The following MRPS27 variants were observed in gnomAD, a reference collection of about 807,000 sequenced individuals.
The protein encoded by MRPS27 is mitochondrial ribosomal protein S27.
Under a neutral mutation model 48.9 loss-of-function variants are expected in MRPS27, and 43 were observed. The observed-to-expected ratio is 0.88, with a 90% confidence interval of 0.69 to 1.13. MRPS27 has a LOEUF of 1.13. Among genes scored for constraint, MRPS27 ranks in the 50% most tolerant of loss-of-function variants. MRPS27 has a pLI of 0.00. For synonymous variants in MRPS27, 188 were observed against 171.9 expected, an observed-to-expected ratio of 1.09 and a Z score of -0.73; for missense variants, 467 against 476.3, an observed-to-expected ratio of 0.98 and a Z score of 0.18.
At chr5:72,261,507 A>G (rs920309120) in intron 4 of MRPS27, among the ~76,000 whole-genome samples, 2 of 148,178 alleles carry the variant, frequency 1.3e-5, no homozygotes, top group African/African-American at 5.2e-5. Flanking sequence ...GTTGCTATAG[A>G]CTCACAGGAA....
At chr5:72,297,783 A>C (rs969186576) in intron 2 of MRPS27, 81 bp from the exon 3 acceptor site, 1 of 682,528 alleles carries the variant, frequency 1.5e-6, no homozygotes, top group African/African-American at 1.9e-5. Context: ...TGCCAACATG[A>C]AGTATTAAAA....
rs1290186401 is a variant in MRPS27 at position 72,320,179 on chromosome 5, G to A, written c.43C>T (p.Gln15Ter). The change falls in exon 1 of 11, where the codon CAA becomes TAA. Residue 15 changes from glutamine to a stop codon, truncating the protein, a stop_gained. Coordinates refer to ENST00000261413, the MANE Select transcript of MRPS27 (RefSeq NM_015084.3). LOFTEE classifies it high-confidence loss of function. ...GGAGAGAGCTGAGGAAGAACCACTT[G>A]CCGCGCCAGGAGCATCCCGCGCCGC... ...IVRRGMLLAR[Q>*]VVLPQLSPAG... 2.5e-6 allele frequency: 4 copies of A among 1,614,008 alleles called. No individual in the cohort carries two copies. Among genetic ancestry groups the A allele is most frequent in the Non-Finnish European group, 3.4e-6 (4 of 1,179,898 alleles).
At chr5:72,291,569 A>G (rs911827742) in intron 4 of MRPS27, among the ~76,000 whole-genome samples, 8 of 152,274 alleles carry the variant, frequency 5.3e-5, no homozygotes, top group Non-Finnish European at 1.0e-4. Context: ...GAAAAAATCA[A>G]TGATTTTTAT....
intron 4 of MRPS27, among the ~76,000 whole-genome samples, chr5:72,265,089 A>G (rs1749076596): frequency 6.6e-6 from 1 of 152,256 alleles, no homozygotes. Flanking sequence ...GTAGCTATTT[A>G]TTTGTGTAAT....
chr5:72,226,309 A>T, intron 8 of MRPS27, 110 bp from the exon 9 acceptor site: 1 of 1,293,100 alleles, frequency 7.7e-7, no homozygotes. Flanking sequence ...CTAGAAATAG[A>T]GAAGGATCAT....
intron 4 of MRPS27, chr5:72,241,328 C>G: frequency 2.9e-6 from 1 of 339,574 alleles, no homozygotes. Flanking sequence ...AAAAAATAAA[C>G]TGAGGAAAAG....
rs1464881743 is a variant in MRPS27, at chr5:72,297,712, C to T, written c.152-10G>A. 6 of 1,534,956 alleles carry T rather than the reference C, an allele frequency of 3.9e-6. No individual in the cohort carries two copies. In the East Asian group the frequency reaches 1.4e-4, roughly 36 times the overall value. On this transcript the variant is annotated splice_polypyrimidine_tract_variant and intron_variant, in intron 2 of 10. Transcript: ENST00000261413. Reference sequence around the variant, plus strand: ...AAAGATGCAAGATCAGCTGTGAAGACAAAAAAAGAAAAAAAACCTTGTTAA... The same window carrying T: ...AAAGATGCAAGATCAGCTGTGAAGATAAAAAAAGAAAAAAAACCTTGTTAA...
chr5:72,235,069 A>G (rs547152046), intron 5 of MRPS27, among the ~76,000 whole-genome samples: 1 of 152,204 alleles, frequency 6.6e-6, no homozygotes, highest in South Asian at 2.1e-4. Context: ...CCCCAACTGA[A>G]TCACCACTGA....
chr5:72,269,687 C>A (rs1219188005), intron 4 of MRPS27, among the ~76,000 whole-genome samples: 1 of 152,044 alleles, frequency 6.6e-6, no homozygotes, highest in Admixed American at 6.6e-5. Flanking sequence ...AGCTGGGTAG[C>A]CATTTGTTTT....
intron 4 of MRPS27, among the ~76,000 whole-genome samples, chr5:72,292,378 C>T (rs190664242): frequency 1.3e-5 from 2 of 152,096 alleles, no homozygotes; most frequent in Non-Finnish European, 2.9e-5. Context: ...AGAGAATAGA[C>T]CACGGCCCAA....
At chr5:72,251,321 G>T (rs1414272615) in intron 4 of MRPS27, among the ~76,000 whole-genome samples, 1 of 152,180 alleles carries the variant, frequency 6.6e-6, no homozygotes, top group Non-Finnish European at 1.5e-5. Context: ...GGGGACAACA[G>T]AGAGGCTTTT....
rs550842183 is a variant in MRPS27 at position 72,257,361 on chromosome 5, C to T, written c.282-19233G>A. Among the ~76,000 whole-genome samples the T allele has an allele frequency of 3.9e-5, 6 of 152,164 alleles. No homozygotes were observed. In the South Asian group the frequency reaches 1.2e-3, roughly 32 times the overall value. On this transcript the variant is annotated intron_variant, in intron 4 of 10. Coordinates refer to ENST00000261413, the MANE Select transcript of MRPS27 (RefSeq NM_015084.3). ...ACCACAAGTGCTCAGATTATTTTTT[C>T]CTCTCTATACTAAAATGATTACAGA...
At chr5:72,292,246 G>T (rs1580105114) in intron 4 of MRPS27, among the ~76,000 whole-genome samples, 1 of 140,932 alleles carries the variant, frequency 7.1e-6, no homozygotes, top group Admixed American at 7.1e-5. Flanking sequence ...ATAGTTGCTG[G>T]TATTGCCTTA....
At chr5:72,226,384 G>GT in intron 8 of MRPS27, 185 bp from the exon 9 acceptor site, 1 of 646,488 alleles carries the variant, frequency 1.5e-6, no homozygotes, top group Non-Finnish European at 2.6e-6. Flanking sequence ...GACGAATGTG[G>GT]TAAAATTCAC....
chr5:72,228,965 T>C (rs1747975887), intron 7 of MRPS27: 1 of 152,170 alleles, frequency 6.6e-6, no homozygotes, highest in Non-Finnish European at 1.5e-5. Flanking sequence ...TACGCTTTAA[T>C]GAAAATGAAG....
rs182619388 is a variant in MRPS27 at position 72,287,969 on chromosome 5, C to T, written c.281+7562G>A. On this transcript the variant is annotated intron_variant, in intron 4 of 10. Coordinates refer to ENST00000261413, the MANE Select transcript of MRPS27 (RefSeq NM_015084.3). Reference sequence around the variant, plus strand: ...AAGACTTGTGCATGGATGTCTGCAGCAGCACATACTCCTAGGGACTCAGGA... The same window carrying T: ...AAGACTTGTGCATGGATGTCTGCAGTAGCACATACTCCTAGGGACTCAGGA... 2.4e-3 allele frequency among the ~76,000 whole-genome samples: 362 copies of T among 152,312 alleles called. 1 individual carries two copies. Among genetic ancestry groups the T allele is most frequent in the African/African-American group, 8.4e-3 (351 of 41,546 alleles).
At chr5:72,249,350 T>C (rs1254020724) in intron 4 of MRPS27, among the ~76,000 whole-genome samples, 1 of 152,202 alleles carries the variant, frequency 6.6e-6, no homozygotes, top group African/African-American at 2.4e-5. Context: ...AGAATAAACA[T>C]CTCCTTGCCT....
At chr5:72,294,342 A>G (rs570363305) in intron 4 of MRPS27, among the ~76,000 whole-genome samples, 1 of 152,282 alleles carries the variant, frequency 6.6e-6, no homozygotes, top group Admixed American at 6.5e-5. Flanking sequence ...CAAAAAATAA[A>G]AATGCATCTA....
intron 4 of MRPS27, among the ~76,000 whole-genome samples, chr5:72,260,842 T>C (rs938160394): frequency 6.6e-6 from 1 of 152,198 alleles, no homozygotes; most frequent in East Asian, 1.9e-4. Flanking sequence ...TCTACAGTAA[T>C]TAACTAAATC....
Sources: gnomAD v4.1 joint callset for allele counts (sites outside exome capture counted in the v4.1 genomes callset) on GRCh38, gnomAD v4.1.1 for gene constraint, MANE v1.5 for transcripts, NCBI Gene and HGNC (gene_info 2026-07-23, HGNC 2026-07-21) for gene names.